Variants in TRHDE observed in about 807,000 individuals in gnomAD.
The protein encoded by TRHDE is thyrotropin releasing hormone degrading enzyme, also known as thyrotropin-releasing hormone-degrading ectoenzyme.
Under a neutral mutation model 125.7 loss-of-function variants are expected in TRHDE, and 72 were observed. The ratio of observed to expected loss-of-function variants is 0.57; its 90% CI spans 0.47 to 0.70. The LOEUF (loss-of-function observed/expected upper bound fraction) is 0.70. TRHDE is among the 30% of genes least tolerant of loss of function. The pLI is 0.00. For synonymous variants in TRHDE, 509 were observed against 509.1 expected (o/e 1.00, Z 0.00); for missense variants, 1,110 against 1,327.1 (o/e 0.84, Z 2.54).
intron 10 of TRHDE, among the ~76,000 whole-genome samples, chr12:72,572,746 A>G (rs985043317): frequency 3.4e-4 from 51 of 152,156 alleles, no homozygotes; most frequent in Non-Finnish European, 5.4e-4. Context: ...AGGTACAGCA[A>G]TTATTTTCCT....
intron 2 of TRHDE, among the ~76,000 whole-genome samples, chr12:72,289,297 A>G (rs1364984930): frequency 6.6e-6 from 1 of 152,124 alleles, no homozygotes; most frequent in Non-Finnish European, 1.5e-5. Flanking sequence ...AAGTGTGAAT[A>G]TTTGAGACAT....
At chr12:72,494,125 A>T (rs918924734) in intron 5 of TRHDE, among the ~76,000 whole-genome samples, 5 of 152,020 alleles carry the variant, frequency 3.3e-5, no homozygotes, top group Non-Finnish European at 2.9e-5. Context: ...TTACAACCAC[A>T]TATGTTTGCA....
chr12:72,371,867 T>G (rs1871611269), intron 2 of TRHDE, among the ~76,000 whole-genome samples: 1 of 152,214 alleles, frequency 6.6e-6, no homozygotes, highest in African/African-American at 2.4e-5. Flanking sequence ...TGCATGTGTC[T>G]TTATAGCAGC....
intron 2 of TRHDE, among the ~76,000 whole-genome samples, chr12:72,135,751 A>C (rs1038596166): frequency 6.6e-6 from 1 of 152,086 alleles, no homozygotes; most frequent in African/African-American, 2.4e-5. Flanking sequence ...TTCTGCCTTC[A>C]TTGAGGATTT....
At chr12:72,110,432 A>G (rs1031065305) in intron 2 of TRHDE, among the ~76,000 whole-genome samples, 12 of 151,372 alleles carry the variant, frequency 7.9e-5, no homozygotes, top group Admixed American at 5.9e-4. Flanking sequence ...TTTTTTTTTT[A>G]ATTGCCCCAC....
At chr12:72,290,977 G>A (rs1207251189) in intron 2 of TRHDE, among the ~76,000 whole-genome samples, 6 of 152,218 alleles carry the variant, frequency 3.9e-5, no homozygotes, top group Admixed American at 3.9e-4. Context: ...GACAGGAGGA[G>A]TGTAAAAGAA....
chr12:72,335,560 ATCAT>A (rs1191021442), intron 2 of TRHDE, among the ~76,000 whole-genome samples: 1 of 152,196 alleles, frequency 6.6e-6, no homozygotes, highest in South Asian at 2.1e-4. Flanking sequence ...CACACACACA[ATCAT>A]TCATTAAGTA....
In TRHDE at chr12:72,184,806, T is replaced by TGGTTCAGTCTGGAG. The variant is rs1003373740; in HGVS notation, n.279+79065_279+79066insGAGGGTTCAGTCTG. 3.9e-5 allele frequency among the ~76,000 whole-genome samples: 6 copies of TGGTTCAGTCTGGAG among 152,336 alleles called. No homozygotes were observed. In the East Asian group the frequency reaches 1.2e-3, roughly 29 times the overall value. On this transcript the variant is annotated intron_variant and non_coding_transcript_variant, in intron 2 of 4. Coordinates refer to the TRHDE transcript ENST00000548156. ...AGGGAAAACTAAGATTTTCCAAATCTGGTTCAGTCTGCCCTCCAGCAGTTG... is the reference window on the plus strand; with the variant it reads ...AGGGAAAACTAAGATTTTCCAAATCTGGTTCAGTCTGGAGGGTTCAGTCTGCCCTCCAGCAGTTG...
intron 2 of TRHDE, among the ~76,000 whole-genome samples, chr12:72,364,329 C>T (rs17111098): frequency 0.053 from 8,032 of 152,078 alleles, 431 homozygotes; most frequent in African/African-American, 0.12. Flanking sequence ...TTACTTACAT[C>T]CTCACTTTAT....
At chr12:72,570,114 G>T (rs987486130) in intron 10 of TRHDE, among the ~76,000 whole-genome samples, 6 of 152,046 alleles carry the variant, frequency 3.9e-5, no homozygotes, top group Non-Finnish European at 8.8e-5. Flanking sequence ...ATTAGAAGAG[G>T]GTAAAGATAC....
chr12:72,150,560 G>A lies in TRHDE; in HGVS notation n.279+44808G>A, dbSNP rs11179088. Reference sequence around the variant, plus strand: ...CTATCCCTCCCCCCACCCCCCACCCGACAACAGGCTCTGGTGTTTGATGTT... The same window carrying A: ...CTATCCCTCCCCCCACCCCCCACCCAACAACAGGCTCTGGTGTTTGATGTT... On this transcript the variant is annotated intron_variant and non_coding_transcript_variant, in intron 2 of 4. Transcript: ENST00000548156. Among the ~76,000 whole-genome samples the A allele has an allele frequency of 3.9e-3, 423 of 108,212 alleles. 1 individual carries two copies. The highest frequency in any genetic ancestry group is 0.013 in the African/African-American group (377 of 28,430). The allele number at this position is 108,212 out of a possible 152,430, so 71.0% of individuals were successfully genotyped here.
At chr12:72,653,724 T>C (rs768647888) in intron 17 of TRHDE, among the ~76,000 whole-genome samples, 1 of 152,172 alleles carries the variant, frequency 6.6e-6, no homozygotes, top group Non-Finnish European at 1.5e-5. Context: ...TATTTCATTA[T>C]GCATTTAAAT....
chr12:72,490,705 C>A (rs1202046310), intron 5 of TRHDE, among the ~76,000 whole-genome samples: 4 of 145,866 alleles, frequency 2.7e-5, no homozygotes, highest in Non-Finnish European at 6.0e-5. Flanking sequence ...AGTGAATAAG[C>A]TAGACACAGA....
At chr12:72,149,968 A>G (rs932618930) in intron 2 of TRHDE, among the ~76,000 whole-genome samples, 1 of 152,148 alleles carries the variant, frequency 6.6e-6, no homozygotes, top group Non-Finnish European at 1.5e-5. Context: ...GAGCCTTTAT[A>G]AATAATACAG....
At chr12:72,361,427 A>G (rs560015208) in intron 2 of TRHDE, among the ~76,000 whole-genome samples, 1 of 152,068 alleles carries the variant, frequency 6.6e-6, no homozygotes, top group African/African-American at 2.4e-5. Context: ...GATGCAATAA[A>G]GTGTAAAAGA....
intron 2 of TRHDE, among the ~76,000 whole-genome samples, chr12:72,174,380 A>T (rs1184992977): frequency 6.6e-6 from 1 of 152,246 alleles, no homozygotes; most frequent in Non-Finnish European, 1.5e-5. Flanking sequence ...GCAGAAACTA[A>T]TCTACAAAGT....
chr12:72,634,881 T>A (rs1000035854), intron 15 of TRHDE, among the ~76,000 whole-genome samples: 1 of 152,056 alleles, frequency 6.6e-6, no homozygotes, highest in African/African-American at 2.4e-5. Flanking sequence ...TGTGCCACAT[T>A]TTCTTAATCC....
At chr12:72,104,543 A>C (rs564521021) in intron 1 of TRHDE, among the ~76,000 whole-genome samples, 130 of 152,230 alleles carry the variant, frequency 8.5e-4, no homozygotes, top group Non-Finnish European at 1.6e-3. Flanking sequence ...ACTCCTTAAC[A>C]ATTTATGTTC....
intron 2 of TRHDE, among the ~76,000 whole-genome samples, chr12:72,180,285 A>C (rs1877070635): frequency 6.6e-6 from 1 of 152,140 alleles, no homozygotes; most frequent in Non-Finnish European, 1.5e-5. Flanking sequence ...TGTGACTTGC[A>C]TATTATTTTT....
Sources: allele counts gnomAD v4.1 joint callset (sites outside exome capture counted in the v4.1 genomes callset), GRCh38; gene constraint gnomAD v4.1.1; transcripts MANE v1.5; gene names NCBI Gene and HGNC (gene_info 2026-07-23, HGNC 2026-07-21).